RGSL1: variants seen among roughly 807,000 people sequenced by gnomAD.
RGSL1 encodes the protein regulator of G protein signaling like 1.
RGSL1 carries 97 observed loss-of-function variants against 124.7 expected under a neutral mutation model. The observed-to-expected ratio is 0.78, with a 90% confidence interval of 0.66 to 0.92. The LOEUF (loss-of-function observed/expected upper bound fraction) is 0.92, where lower values mean the gene tolerates loss of function less well. RGSL1 is among the 40% of genes least tolerant of loss of function. RGSL1 has a pLI of 0.00. For missense variants in RGSL1, 1,233 were observed against 1,288.4 expected, an observed-to-expected ratio of 0.96 and a Z score of 0.66; for synonymous variants, 424 against 438.1, an observed-to-expected ratio of 0.97 and a Z score of 0.40.
At chr1:182,501,427 T>C (rs1449592675) in intron 9 of RGSL1, among the ~76,000 whole-genome samples, 1 of 140,470 alleles carries the variant, frequency 7.1e-6, no homozygotes, top group Admixed American at 7.7e-5. Context: ...CAAGCAATTC[T>C]CCTCCCTCAG....
chr1:182,496,273 T>A (rs1655905316), intron 9 of RGSL1, among the ~76,000 whole-genome samples: 1 of 152,090 alleles, frequency 6.6e-6, no homozygotes, highest in Non-Finnish European at 1.5e-5. Flanking sequence ...TGATAATCCA[T>A]TCATAAGAAA....
At position 182,493,061 on chromosome 1, in the gene RGSL1, A is replaced by G; in HGVS notation, c.1757A>G (p.Asn586Ser). The change falls in exon 9 of 22, where the codon AAC becomes AGC. Residue 586 changes from asparagine to serine, a missense_variant. Physicochemically the swap from Asn to Ser is conservative, Grantham distance 46. Transcript: ENST00000294854. ...TCCTTTGAGGAGCTTTGCTACAAGA[A>G]CCCAAAGATGGCCATACAGAAGATC... ...KMSFEELCYK[N>S]PKMAIQKISD... 6.4e-7 allele frequency: 1 copy of G among 1,551,754 alleles called. No homozygotes were observed. The highest frequency in any genetic ancestry group is 8.7e-7 in the Non-Finnish European group (1 of 1,146,916).
At chr1:182,523,571 T>C (rs1465399490) in intron 10 of RGSL1, among the ~76,000 whole-genome samples, 1 of 152,194 alleles carries the variant, frequency 6.6e-6, no homozygotes, top group Non-Finnish European at 1.5e-5. Flanking sequence ...AAATCACATA[T>C]CTGTAAGATC....
intron 14 of RGSL1, among the ~76,000 whole-genome samples, chr1:182,534,198 A>C (rs1475521414): frequency 6.6e-6 from 1 of 152,170 alleles, no homozygotes; most frequent in Non-Finnish European, 1.5e-5. Context: ...AAACAGTTAA[A>C]TTTTGGCCCT....
chr1:182,554,783 G>A, intron 20 of RGSL1, 90 bp downstream of exon 20: 1 of 1,252,748 alleles, frequency 8.0e-7, no homozygotes, highest in South Asian at 1.3e-5. Flanking sequence ...CCAGAGACTA[G>A]CCTCATACCC....
rs372073831 is a variant in RGSL1, at chr1:182,559,356, TC to T, written c.*166-922del. Reference sequence around the variant, plus strand: ...CAAGCTAGAAAACTCAGAATCATCCTCAACTCATTCCTCTGCCTCCCCTCCC... The same window carrying T: ...CAAGCTAGAAAACTCAGAATCATCCTAACTCATTCCTCTGCCTCCCCTCCC... On this transcript the variant is annotated intron_variant, in intron 21 of 21. Transcript: ENST00000294854. Among the ~76,000 whole-genome samples, 80 of 152,258 alleles carry T rather than the reference TC, an allele frequency of 5.3e-4. No homozygotes were observed. In the East Asian group the frequency reaches 0.015, roughly 28 times the overall value.
chr1:182,480,398 T>C (rs1654610418), intron 6 of RGSL1, among the ~76,000 whole-genome samples: 1 of 151,910 alleles, frequency 6.6e-6, no homozygotes, highest in Admixed American at 6.6e-5. Context: ...ACTACTTCAA[T>C]CCAGCCTGGG....
At chr1:182,460,168 G>A in intron 4 of RGSL1, 35 bp downstream of exon 4, 4 of 1,513,796 alleles carry the variant, frequency 2.6e-6, no homozygotes, top group South Asian at 1.3e-5. Context: ...GTCTGTGTGT[G>A]TGTGTGTGTG....
rs770638378 is a variant in RGSL1, at chr1:182,474,265, G to T, written c.1154G>T (p.Arg385Leu). 32 of 1,551,630 alleles carry T rather than the reference G, an allele frequency of 2.1e-5. 1 individual carries two copies. The East Asian group carries it at 7.8e-4, about 38-fold the overall frequency. ...CADACAGNPF[R>L]DHLKKLNLKV... is the part of the protein sequence containing the mutation. ...GATGCCTGTGCAGGGAACCCTTTCC[G>T]GGACCACCTGAAGAAGCTGAATTTG... The change falls in exon 6 of 22, where the codon CGG (arginine) becomes CTG (leucine). Residue 385 changes from arginine (R) to leucine (L), a missense_variant. By Grantham distance (102) the Arg-to-Leu change is moderately radical (BLOSUM62 -2). Coordinates refer to ENST00000294854, the MANE Select transcript of RGSL1 (RefSeq NM_001137669.2).
chr1:182,455,281 G>A (rs1267053547), intron 2 of RGSL1, among the ~76,000 whole-genome samples: 1 of 152,092 alleles, frequency 6.6e-6, no homozygotes. Context: ...AGGAAAGGGT[G>A]CATAAAGAAA....
At chr1:182,460,365 G>A (rs1652719613) in intron 4 of RGSL1, among the ~76,000 whole-genome samples, 2 of 152,258 alleles carry the variant, frequency 1.3e-5, no homozygotes, top group South Asian at 4.1e-4. Flanking sequence ...TTGGCAATAG[G>A]TAAACTCTTA....
intron 4 of RGSL1, among the ~76,000 whole-genome samples, chr1:182,464,038 A>G (rs1031960765): frequency 6.6e-6 from 1 of 152,210 alleles, no homozygotes; most frequent in Non-Finnish European, 1.5e-5. Flanking sequence ...GAAATTAGAA[A>G]TAAATAACAG....
chr1:182,493,462 G>A (rs1655682482), intron 9 of RGSL1, among the ~76,000 whole-genome samples: 3 of 152,158 alleles, frequency 2.0e-5, no homozygotes, highest in African/African-American at 7.2e-5. Flanking sequence ...TTTGTGAAGG[G>A]ATGTTTGTTA....
At chr1:182,482,800 T>C (rs1006288555) in intron 6 of RGSL1, among the ~76,000 whole-genome samples, 1 of 152,238 alleles carries the variant, frequency 6.6e-6, no homozygotes, top group African/African-American at 2.4e-5. Context: ...AATCTGGATC[T>C]TGAAGAGATA....
intron 9 of RGSL1, among the ~76,000 whole-genome samples, chr1:182,508,668 A>ATTTTTTTTTTTTT (rs1558336184): frequency 7.4e-6 from 1 of 134,246 alleles, no homozygotes; most frequent in African/African-American, 2.8e-5. Context: ...CCTATTGACT[A>ATTTTTTTTTTTTT]TTTGTTTTTT....
chr1:182,467,656 A>G (rs1188149340), intron 4 of RGSL1, among the ~76,000 whole-genome samples: 3 of 152,240 alleles, frequency 2.0e-5, no homozygotes, highest in Non-Finnish European at 4.4e-5. Flanking sequence ...ACCTAAAACC[A>G]TAAAATCCTA....
At chr1:182,453,653 T>A (rs1652030638) in intron 1 of RGSL1, 1 of 236,108 alleles carries the variant, frequency 4.2e-6, no homozygotes. Flanking sequence ...GCGTGATTTT[T>A]ACATACATAA....
intron 10 of RGSL1, among the ~76,000 whole-genome samples, chr1:182,523,034 T>TA (rs33957972): frequency 6.6e-5 from 5 of 75,662 alleles, no homozygotes; most frequent in African/African-American, 1.1e-4. Context: ...TTCTTTTTTT[T>TA]AATTAATTTT....
chr1:182,529,591 G>T (rs1659014022), intron 11 of RGSL1, among the ~76,000 whole-genome samples: 1 of 152,174 alleles, frequency 6.6e-6, no homozygotes, highest in Non-Finnish European at 1.5e-5. Context: ...GTCACAGATG[G>T]TATTTTTGTG....
Sources: gnomAD v4.1 joint callset for allele counts (sites outside exome capture counted in the v4.1 genomes callset) on GRCh38, gnomAD v4.1.1 for gene constraint, MANE v1.5 for transcripts, NCBI Gene and HGNC (gene_info 2026-07-23, HGNC 2026-07-21) for gene names.